Variants in WWOX observed in about 807,000 individuals in gnomAD.
WWOX encodes WW domain-containing oxidoreductase.
In WWOX, 69 loss-of-function variants were observed where a neutral mutation model predicts 46.2. That is an observed-to-expected ratio of 1.49 (90% CI 1.23 to 1.82). WWOX has a LOEUF of 1.82. Among genes scored for constraint, WWOX ranks in the 40% most tolerant of loss-of-function variants. The pLI is 0.00. For missense variants in WWOX, 919 were observed against 542.6 expected (o/e 1.69, Z -6.89); for synonymous variants, 359 against 202.6 (o/e 1.77, Z -6.56).
intron 8 of WWOX, among the ~76,000 whole-genome samples, chr16:78,948,857 C>G (rs2046001149): frequency 6.6e-6 from 1 of 152,062 alleles, no homozygotes; most frequent in Admixed American, 6.6e-5. Context: ...TAGCATGGAT[C>G]AGAGTTCTCA....
rs192421539 is a variant in WWOX, at chr16:78,755,795, C to T, written c.1056+323043C>T. On this transcript the variant is annotated intron_variant, in intron 8 of 8. Transcript: ENST00000566780. ...ATAATTACAAAAACATACCTGGTTC[C>T]ACTCTCACTTTCGCCATTTAATAGC... 4.5e-4 allele frequency among the ~76,000 whole-genome samples: 68 copies of T among 152,262 alleles called. No individual in the cohort carries two copies. The East Asian group carries it at 0.012, about 26-fold the overall frequency.
chr16:78,771,694 C>A (rs2050068062), intron 8 of WWOX, among the ~76,000 whole-genome samples: 1 of 151,910 alleles, frequency 6.6e-6, no homozygotes, highest in South Asian at 2.1e-4. Context: ...ATTGCTTGAG[C>A]CTAGGAGGTG....
At chr16:78,905,089 T>C (rs1292101744) in intron 8 of WWOX, among the ~76,000 whole-genome samples, 1 of 151,946 alleles carries the variant, frequency 6.6e-6, no homozygotes, top group African/African-American at 2.4e-5. Context: ...ATTCTTGGGG[T>C]CACTTAAAAC....
intron 8 of WWOX, among the ~76,000 whole-genome samples, chr16:78,437,626 G>A (rs573565888): frequency 6.6e-6 from 1 of 152,228 alleles, no homozygotes; most frequent in East Asian, 1.9e-4. Flanking sequence ...CGTCCTGGGA[G>A]GGAAGTGTTT....
intron 8 of WWOX, among the ~76,000 whole-genome samples, chr16:78,893,542 CCT>C (rs1280473365): frequency 6.6e-6 from 1 of 152,214 alleles, no homozygotes; most frequent in Non-Finnish European, 1.5e-5. Context: ...TCCACCCACT[CCT>C]CTCTCAGACT....
intron 8 of WWOX, among the ~76,000 whole-genome samples, chr16:78,736,963 G>A (rs1046586457): frequency 6.6e-6 from 1 of 152,062 alleles, no homozygotes; most frequent in Non-Finnish European, 1.5e-5. Flanking sequence ...AGTCACAGAA[G>A]CCCATAAAAA....
In WWOX at chr16:79,152,250, A is replaced by G. The variant is rs374673547; in HGVS notation, c.1057-59358A>G. On this transcript the variant is annotated intron_variant, in intron 8 of 8. Coordinates refer to ENST00000566780, the MANE Select transcript of WWOX (RefSeq NM_016373.4). Reference sequence around the variant, plus strand: ...ATGCTGGCAGAACGGGTGATGGATGAGGCAGAGAAGGGTACAGGCTGGCTG... The same window carrying G: ...ATGCTGGCAGAACGGGTGATGGATGGGGCAGAGAAGGGTACAGGCTGGCTG... Among the ~76,000 whole-genome samples the G allele has an allele frequency of 2.6e-5, 4 of 152,172 alleles. No individual in the cohort carries two copies. The South Asian group carries it at 8.3e-4, about 31-fold the overall frequency.
chr16:78,116,014 T>C (rs2032766987), intron 4 of WWOX, among the ~76,000 whole-genome samples: 1 of 152,134 alleles, frequency 6.6e-6, no homozygotes, highest in Non-Finnish European at 1.5e-5. Context: ...TTATTTTTAT[T>C]TTTTGTGGGT....
intron 8 of WWOX, among the ~76,000 whole-genome samples, chr16:78,438,454 C>G (rs2083378923): frequency 7.2e-6 from 1 of 139,754 alleles, no homozygotes; most frequent in African/African-American, 3.1e-5. Flanking sequence ...CACCGCCAAC[C>G]CCACCTTTTT....
In WWOX at chr16:78,312,679, G is replaced by GCTAGAAT. The variant is rs1179433842; in HGVS notation, c.517-74181_517-74180insCTAGAAT. Among the ~76,000 whole-genome samples, 548 of 152,292 alleles carry GCTAGAAT rather than the reference G, an allele frequency of 3.6e-3. 6 individuals carry two copies. Among genetic ancestry groups the GCTAGAAT allele is most frequent in the African/African-American group, 0.013 (532 of 41,580 alleles). ...CATGAGCCACTGTGCCTGGCTGGTT[G>GCTAGAAT]TAGGCCTAATTCTAGCAATCTCAGC... On this transcript the variant is annotated intron_variant, in intron 5 of 8. Transcript: ENST00000566780.
At chr16:79,029,899 A>C (rs1271450069) in intron 8 of WWOX, among the ~76,000 whole-genome samples, 1 of 152,230 alleles carries the variant, frequency 6.6e-6, no homozygotes, top group Non-Finnish European at 1.5e-5. Context: ...AAGGAAGCAT[A>C]AACGCATATG....
chr16:78,887,454 A>G (rs79775315), intron 8 of WWOX, among the ~76,000 whole-genome samples: 6,547 of 143,128 alleles, frequency 0.046, 237 homozygotes, highest in Admixed American at 0.11. Context: ...CAATGAAGGC[A>G]ACAAAGTATA....
intron 8 of WWOX, chr16:79,206,448 C>T (rs1222093700): frequency 1.3e-5 from 2 of 152,202 alleles, no homozygotes; most frequent in East Asian, 1.9e-4. Flanking sequence ...AGGTAGGCTT[C>T]TCTCTAAATA....
chr16:78,213,673 G>T (rs2036629427), intron 5 of WWOX, among the ~76,000 whole-genome samples: 1 of 152,060 alleles, frequency 6.6e-6, no homozygotes, highest in African/African-American at 2.4e-5. Flanking sequence ...AGAAGGAAAA[G>T]ATGACATTGG....
chr16:79,030,630 C>T (rs372652487), intron 8 of WWOX, among the ~76,000 whole-genome samples: 7 of 152,312 alleles, frequency 4.6e-5, no homozygotes, highest in African/African-American at 1.4e-4. Flanking sequence ...CCCTTGTTTT[C>T]GTTCAACCTT....
chr16:78,512,328 C>T (rs1111683), intron 8 of WWOX, among the ~76,000 whole-genome samples: 87,715 of 152,058 alleles, frequency 0.58, 27,915 homozygotes, highest in Non-Finnish European at 0.7. Context: ...CAGAAATGCA[C>T]TATGATGATA....
At chr16:78,556,476 G>C (rs2044299614) in intron 8 of WWOX, among the ~76,000 whole-genome samples, 1 of 152,114 alleles carries the variant, frequency 6.6e-6, no homozygotes, top group Non-Finnish European at 1.5e-5. Flanking sequence ...CCATATCTGA[G>C]ATGATTCATT....
chr16:78,763,216 C>T (rs1037441352), intron 8 of WWOX, among the ~76,000 whole-genome samples: 2 of 152,226 alleles, frequency 1.3e-5, no homozygotes, highest in East Asian at 3.8e-4. Flanking sequence ...GTGTTTATTA[C>T]AAAGCGATAC....
At position 78,843,122 on chromosome 16, in the gene WWOX, T is replaced by G. The variant is rs1030988837; in HGVS notation, c.1057-368486T>G. ...TTTTTTTTGGCACCATAGAAATGTT[T>G]CCATAAATAGTGCATTCAATGGAGT... On this transcript the variant is annotated intron_variant, in intron 8 of 8. Transcript: ENST00000566780. 3.5e-4 allele frequency among the ~76,000 whole-genome samples: 53 copies of G among 149,810 alleles called. 2 individuals carry two copies. Among genetic ancestry groups the G allele is most frequent in the African/African-American group, 1.3e-3 (52 of 41,222 alleles).
Sources: gnomAD v4.1 joint callset for allele counts (sites outside exome capture counted in the v4.1 genomes callset) on GRCh38, gnomAD v4.1.1 for gene constraint, MANE v1.5 for transcripts, NCBI Gene and HGNC (gene_info 2026-07-23, HGNC 2026-07-21) for gene names.